Variants in PTPRT observed in about 807,000 individuals in gnomAD.
PTPRT encodes the protein receptor-type tyrosine-protein phosphatase T.
A neutral mutation model predicts 176.8 loss-of-function variants in PTPRT; 56 were observed. The observed-to-expected ratio is 0.32, with a 90% CI of 0.26 to 0.40. The LOEUF (loss-of-function observed/expected upper bound fraction) is 0.40. PTPRT is among the 10% of genes least tolerant of loss of function. PTPRT has a pLI of 1.00. For missense variants in PTPRT, 1,540 were observed against 1,908.2 expected, an observed-to-expected ratio of 0.81 and a Z score of 3.60; for synonymous variants, 783 against 739.0, an observed-to-expected ratio of 1.06 and a Z score of -0.96.
intron 4 of PTPRT, among the ~76,000 whole-genome samples, chr20:42,777,948 A>AGGCATTTG (rs2077161062): frequency 6.6e-6 from 1 of 152,138 alleles, no homozygotes; most frequent in South Asian, 2.1e-4. Flanking sequence ...CTCAACACTG[A>AGGCATTTG]GGTTGAACCC....
chr20:43,107,545 AT>A (rs1275004114), intron 1 of PTPRT, among the ~76,000 whole-genome samples: 1 of 152,222 alleles, frequency 6.6e-6, no homozygotes, highest in Non-Finnish European at 1.5e-5. Flanking sequence ...AACGGCAGTC[AT>A]TTTACATCAA....
chr20:42,361,022 G>A (rs2058424584), intron 9 of PTPRT, among the ~76,000 whole-genome samples: 1 of 152,210 alleles, frequency 6.6e-6, no homozygotes, highest in Admixed American at 6.5e-5. Context: ...TTCTGATCCT[G>A]AAGTCCAGTA....
chr20:43,053,880 A>G (rs903196562), intron 1 of PTPRT, among the ~76,000 whole-genome samples: 1 of 152,220 alleles, frequency 6.6e-6, no homozygotes, highest in African/African-American at 2.4e-5. Flanking sequence ...GGAAGAAGTT[A>G]ATACATATTT....
intron 1 of PTPRT, among the ~76,000 whole-genome samples, chr20:43,088,753 C>A (rs1439313531): frequency 1.3e-5 from 2 of 152,082 alleles, no homozygotes; most frequent in Admixed American, 1.3e-4. Context: ...AGTGGATCTG[C>A]GAAACTTTCA....
chr20:42,734,789 G>A (rs2076513712), intron 6 of PTPRT, among the ~76,000 whole-genome samples: 1 of 152,182 alleles, frequency 6.6e-6, no homozygotes, highest in Non-Finnish European at 1.5e-5. Flanking sequence ...GTTGCTGCCA[G>A]GGGCAGGTTC....
Position 43,023,740 on chromosome 20 carries a change from C to T in PTPRT, c.89-137808G>A, listed in dbSNP as rs150459310. 1.9e-3 allele frequency among the ~76,000 whole-genome samples: 282 copies of T among 152,274 alleles called. 3 individuals carry two copies. Among genetic ancestry groups the T allele is most frequent in the South Asian group, 1.0e-2 (48 of 4,820 alleles). ...GCCCAATTCTGCATCTCTCCCTCAACGAAGCCCTGTAGCTGCCCTAACCTC... is the reference window on the plus strand; with the variant it reads ...GCCCAATTCTGCATCTCTCCCTCAATGAAGCCCTGTAGCTGCCCTAACCTC... On this transcript the variant is annotated intron_variant, in intron 1 of 30. Coordinates refer to ENST00000373187, the MANE Select transcript of PTPRT (RefSeq NM_007050.6).
chr20:42,405,765 C>T (rs2145720013), intron 9 of PTPRT, among the ~76,000 whole-genome samples: 1 of 152,208 alleles, frequency 6.6e-6, no homozygotes, highest in South Asian at 2.1e-4. Context: ...GAGGAATCAC[C>T]ACACTGTCTT....
chr20:42,458,710 A>G (rs2070965402), intron 8 of PTPRT, among the ~76,000 whole-genome samples: 1 of 152,200 alleles, frequency 6.6e-6, no homozygotes, highest in Admixed American at 6.5e-5. Context: ...ATTGCTAATC[A>G]TAGAAGCTAT....
At chr20:42,537,885 T>C (rs1399629177) in intron 7 of PTPRT, among the ~76,000 whole-genome samples, 1 of 152,212 alleles carries the variant, frequency 6.6e-6, no homozygotes, top group Non-Finnish European at 1.5e-5. Flanking sequence ...AGTTTAGGTC[T>C]GATTCATCAG....
chr20:42,409,175 A>G (rs1045199590), intron 9 of PTPRT, among the ~76,000 whole-genome samples: 2 of 152,152 alleles, frequency 1.3e-5, no homozygotes, highest in Non-Finnish European at 2.9e-5. Context: ...AATCCAAAAT[A>G]ATGTCAAATT....
rs1318631514 is a variant in PTPRT at position 42,743,747 on chromosome 20, A to G, written c.859+12715T>C. Among the ~76,000 whole-genome samples the G allele has an allele frequency of 2.0e-5, 3 of 152,230 alleles. No individual in the cohort carries two copies. In the East Asian group the frequency reaches 5.8e-4, roughly 29 times the overall value. ...GGCATGGGTGAAGTTTAAAAACAAT[A>G]CAACGTGAGCATACTGAACCTCATC... On this transcript the variant is annotated intron_variant, in intron 6 of 30. Coordinates refer to ENST00000373187, the MANE Select transcript of PTPRT (RefSeq NM_007050.6).
chr20:42,042,739 G>T, the PTPRT span, among the ~76,000 whole-genome samples: 5 of 152,194 alleles, frequency 3.3e-5, no homozygotes, highest in Admixed American at 6.5e-5. Context: ...CAGCCTTATA[G>T]CCAGTTAGTG....
intron 16 of PTPRT, among the ~76,000 whole-genome samples, chr20:42,189,640 T>C (rs1183863299): frequency 6.6e-6 from 1 of 152,166 alleles, no homozygotes; most frequent in African/African-American, 2.4e-5. Flanking sequence ...AGACAAACCA[T>C]TGTTGACTGT....
intron 7 of PTPRT, among the ~76,000 whole-genome samples, chr20:42,491,404 A>C (rs923670613): frequency 1.3e-5 from 2 of 152,240 alleles, no homozygotes; most frequent in African/African-American, 4.8e-5. Context: ...AAAGTTATGA[A>C]TTGTTTATTT....
At chr20:42,160,755 T>G (rs73273412) in intron 17 of PTPRT, among the ~76,000 whole-genome samples, 10 of 152,290 alleles carry the variant, frequency 6.6e-5, no homozygotes, top group African/African-American at 2.4e-4. Context: ...ATCCTTTGTG[T>G]TAGGGATGCT....
At chr20:42,570,148 G>C (rs1469723608) in intron 7 of PTPRT, among the ~76,000 whole-genome samples, 1 of 152,118 alleles carries the variant, frequency 6.6e-6, no homozygotes, top group African/African-American at 2.4e-5. Flanking sequence ...TGTCGCCAGT[G>C]TGTGTCGTCA....
chr20:42,682,039 G>A (rs1470182831), intron 6 of PTPRT, among the ~76,000 whole-genome samples: 2 of 152,152 alleles, frequency 1.3e-5, no homozygotes, highest in African/African-American at 2.4e-5. Context: ...GGTACTGACC[G>A]GGACAGAGCC....
intron 9 of PTPRT, among the ~76,000 whole-genome samples, chr20:42,408,016 A>T (rs1276614697): frequency 1.3e-5 from 2 of 152,174 alleles, no homozygotes; most frequent in Non-Finnish European, 2.9e-5. Context: ...TCCTGAACAA[A>T]TTTTTTAAAA....
At chr20:42,277,778 A>T (rs778175669) in intron 13 of PTPRT, among the ~76,000 whole-genome samples, 1 of 151,728 alleles carries the variant, frequency 6.6e-6, no homozygotes, top group Non-Finnish European at 1.5e-5. Flanking sequence ...TGGACACTTT[A>T]CCTCTGTCAC....
Sources: allele counts gnomAD v4.1 joint callset (sites outside exome capture counted in the v4.1 genomes callset), GRCh38; gene constraint gnomAD v4.1.1; transcripts MANE v1.5; gene names NCBI Gene and HGNC (gene_info 2026-07-23, HGNC 2026-07-21).